TPR: variants seen among roughly 807,000 people sequenced by gnomAD.
TPR encodes the protein nucleoprotein TPR.
TPR carries 51 observed loss-of-function variants against 316.1 expected under a neutral mutation model. The observed-to-expected ratio is 0.16, with a 90% CI of 0.13 to 0.20. The LOEUF (loss-of-function observed/expected upper bound fraction) is 0.20. Among genes scored for constraint, TPR ranks in the 10% least tolerant of loss-of-function variants. TPR has a pLI of 1.00. For synonymous variants in TPR, 981 were observed against 914.7 expected (o/e 1.07, Z -1.31); for missense variants, 2,272 against 2,754.8 (o/e 0.82, Z 3.92).
Position 186,332,267 on chromosome 1 carries a change from G to T in TPR, c.5532C>A (p.Asp1844Glu), listed in dbSNP as rs1658188185. 6.2e-7 allele frequency: 1 copy of T among 1,612,648 alleles called. No homozygotes were observed. The highest frequency in any genetic ancestry group is 8.5e-7 in the Non-Finnish European group (1 of 1,179,264). The change falls in exon 38 of 51, where the codon GAC (aspartate) becomes GAA (glutamate). Residue 1844 changes from aspartate to glutamate, a missense_variant. By Grantham distance (45) the Asp-to-Glu change is conservative. Around this residue, in one of 10 missense-constraint regions of TPR, gnomAD observed 435 missense variants for 461.1 expected, o/e 0.94. Coordinates refer to ENST00000367478, the MANE Select transcript of TPR (RefSeq NM_003292.3). ...EEEDSTIEAS[D>E]QVSDDTVEMP... ...TTTCCACTGTATCATCAGAGACTTGGTCTGATGCTTCTATGGTGCTATCCT... is the reference window on the plus strand; with the variant it reads ...TTTCCACTGTATCATCAGAGACTTGTTCTGATGCTTCTATGGTGCTATCCT...
chr1:186,335,090 G>A lies in TPR; in HGVS notation c.4951C>T (p.Pro1651Ser). The change falls in exon 35 of 51, where the codon CCA (proline) becomes TCA (serine). Residue 1651 changes from proline (P) to serine (S), a missense_variant. Pro to Ser is a moderately conservative substitution (Grantham distance 74). Around this residue, in one of 10 missense-constraint regions of TPR, gnomAD observed 109 missense variants for 215.3 expected, o/e 0.51. Transcript: ENST00000367478. ...CACATTCCTCTTTCACCAGAAGCTG[G>A]AGTTGTTTTCAATGTGATCTGTCTC... is the stretch of plus-strand genomic sequence containing the variant. ...QQRQITLKTT[P>S]ASGERGIAST... 1.9e-6 allele frequency: 3 copies of A among 1,612,766 alleles called. No homozygotes were observed. The highest frequency in any genetic ancestry group is 2.5e-6 in the Non-Finnish European group (3 of 1,179,400).
In TPR at chr1:186,318,526, T is replaced by C; in HGVS notation, c.6742A>G (p.Thr2248Ala). 1 of 1,614,190 alleles carries C rather than the reference T, an allele frequency of 6.2e-7. No homozygotes were observed. Among genetic ancestry groups the C allele is most frequent in the Non-Finnish European group, 8.5e-7 (1 of 1,180,034 alleles). ...TCATTTGTTGTAGATAAAGTGCCAG[T>C]GGATGTAGTCACCATTGGAACAGAT... The part of the protein sequence containing the change: ...SQSVPMVTTS[T>A]GTLSTTNETA... The change falls in exon 48 of 51, where the codon ACT (threonine) becomes GCT (alanine). Residue 2248 changes from threonine (T) to alanine (A), a missense_variant. Physicochemically the swap from Thr to Ala is moderately conservative, Grantham distance 58. Transcript: ENST00000367478.
rs759483323 is a variant in TPR, at chr1:186,355,420, C to G, written c.2161G>C (p.Ala721Pro). The G allele has an allele frequency of 6.2e-7, 1 of 1,609,384 alleles. No individual in the cohort carries two copies. Among genetic ancestry groups the G allele is most frequent in the Non-Finnish European group, 8.5e-7 (1 of 1,179,126 alleles). ...CAAAAGAAAACTTACCGTTTAGAAGCAAAATCTAGCTGGGTAGAAATTTTG... is the reference window on the plus strand; with the variant it reads ...CAAAAGAAAACTTACCGTTTAGAAGGAAAATCTAGCTGGGTAGAAATTTTG... Reference protein sequence around the residue: ...NTKISTQLDFASKRYEMLQDN... With the variant: ...NTKISTQLDFPSKRYEMLQDN... Residue 721 changes from alanine to proline, a missense_variant, in exon 17 of 51, where the codon GCT becomes CCT. Ala to Pro is a conservative substitution (Grantham distance 27). Around this residue, in one of 10 missense-constraint regions of TPR, gnomAD observed 757 missense variants for 859.8 expected, o/e 0.88. Coordinates refer to ENST00000367478, the MANE Select transcript of TPR (RefSeq NM_003292.3).
At chr1:186,317,802 TCTCA>T (rs1334646663) in intron 48 of TPR, among the ~76,000 whole-genome samples, 1 of 152,206 alleles carries the variant, frequency 6.6e-6, no homozygotes, top group Non-Finnish European at 1.5e-5. Context: ...TCATTCCTTT[TCTCA>T]CTATGACATG....
chr1:186,313,700 T>G lies in TPR; in HGVS notation c.*271A>C. On this transcript the variant is annotated 3_prime_UTR_variant, in exon 51 of 51. Coordinates refer to ENST00000367478, the MANE Select transcript of TPR (RefSeq NM_003292.3). ...ATTTAGATCAATACTATAACATTGA[T>G]GTGCCTAGTAGAACAGCAAGAGCAA... 1 of 1,603,684 alleles carries G rather than the reference T, an allele frequency of 6.2e-7. No homozygotes were observed. Among genetic ancestry groups the G allele is most frequent in the Non-Finnish European group, 8.5e-7 (1 of 1,170,690 alleles).
chr1:186,322,495 T>C, intron 44 of TPR, 23 bp downstream of exon 44: 1 of 1,613,814 alleles, frequency 6.2e-7, no homozygotes, highest in Non-Finnish European at 8.5e-7. Flanking sequence ...TGAATTACTT[T>C]TACATAATGG....
At chr1:186,324,625 T>C (rs2178214) in intron 42 of TPR, among the ~76,000 whole-genome samples, 22,490 of 152,182 alleles carry the variant, frequency 0.15, 1,862 homozygotes, top group Admixed American at 0.24. Context: ...CAAGTCACTT[T>C]ACTTCTGCGA....
Position 186,361,668 on chromosome 1 carries a change from G to T in TPR, c.912C>A (p.Thr304=). The part of the protein sequence containing the change: ...DDSEAKSNEL[T]RAVEELHKLL... ...GTTTGTGTAGTTCCTCTACTGCCCG[G>T]GTTAGTTCATTGCTCTTTGCTTCTG... Residue 304 remains threonine (T), a synonymous_variant, in exon 9 of 51, where the codon ACC becomes ACA. Coordinates refer to ENST00000367478, the MANE Select transcript of TPR (RefSeq NM_003292.3). The T allele has an allele frequency of 6.2e-7, 1 of 1,613,404 alleles. No individual in the cohort carries two copies. Among genetic ancestry groups the T allele is most frequent in the Non-Finnish European group, 8.5e-7 (1 of 1,179,500 alleles).
At chr1:186,370,880 C>T (rs956288613) in intron 3 of TPR, 90 bp downstream of exon 3, 39 of 1,090,978 alleles carry the variant, frequency 3.6e-5, no homozygotes, top group Non-Finnish European at 4.9e-5. Context: ...TTACATCTTC[C>T]CATTGACTAA....
intron 40 of TPR, among the ~76,000 whole-genome samples, 161 bp downstream of exon 40, chr1:186,327,299 A>ATAAATATATG (rs1658025596): frequency 2.4e-5 from 1 of 41,162 alleles, no homozygotes; most frequent in Non-Finnish European, 4.7e-5. Flanking sequence ...ATAAATATAT[A>ATAAATATATG]ATATATAATA....
intron 31 of TPR, among the ~76,000 whole-genome samples, chr1:186,337,728 T>C (rs959920001): frequency 6.6e-6 from 1 of 152,014 alleles, no homozygotes; most frequent in African/African-American, 2.4e-5. Flanking sequence ...TTTAAAACTA[T>C]ACAAAACCAG....
rs1398354924 is a variant in TPR at position 186,318,479 on chromosome 1, T to A, written c.6789A>T (p.Gly2263=). ...TTNETATGDD[G]DEVFVEAESE... The stretch of plus-strand genomic sequence containing the variant: ...ATTCTGCCTCCACAAATACTTCATC[T>A]CCATCATCACCTGTTGCTGTTTCAT... Residue 2263 remains glycine (G), a synonymous_variant, in exon 48 of 51, where the codon GGA becomes GGT. Transcript: ENST00000367478. 1 of 1,612,550 alleles carries A rather than the reference T, an allele frequency of 6.2e-7. No individual in the cohort carries two copies. Among genetic ancestry groups the A allele is most frequent in the African/African-American group, 1.3e-5 (1 of 74,820 alleles).
intron 9 of TPR, 122 bp from the exon 10 acceptor site, chr1:186,361,027 G>A: frequency 2.0e-6 from 2 of 1,015,444 alleles, no homozygotes; most frequent in Non-Finnish European, 2.8e-6. Context: ...AGAGGCTTCA[G>A]CTGACAGTAT....
intron 42 of TPR, 125 bp from the exon 43 acceptor site, chr1:186,323,995 T>A (rs1329357632): frequency 4.1e-6 from 4 of 980,338 alleles, no homozygotes; most frequent in African/African-American, 1.7e-5. Flanking sequence ...AGAAGTAAAG[T>A]AGTGAGGTGT....
intron 4 of TPR, among the ~76,000 whole-genome samples, chr1:186,365,809 G>T (rs1018708617): frequency 6.6e-6 from 1 of 152,094 alleles, no homozygotes; most frequent in African/African-American, 2.4e-5. Context: ...TTGTGGATAT[G>T]GCAAAAAAAG....
At chr1:186,370,032 G>A (rs1012810398) in intron 3 of TPR, among the ~76,000 whole-genome samples, 10 of 151,916 alleles carry the variant, frequency 6.6e-5, no homozygotes, top group East Asian at 5.8e-4. Context: ...AAGAACCTCC[G>A]TATTGGGTTT....
chr1:186,314,689 C>G lies in TPR; in HGVS notation c.6976G>C (p.Val2326Leu). The G allele has an allele frequency of 1.2e-6, 2 of 1,612,854 alleles. No individual in the cohort carries two copies. Among genetic ancestry groups the G allele is most frequent in the South Asian group, 1.1e-5 (1 of 90,980 alleles). ...TGTCTCAATGTTGTCTGAAGTCTTA[C>G]TCGTCTGAAAGGCTTTGGTTGACTA... ...SSSQPKPFRR[V>L]RLQTTLRQGV... Residue 2326 changes from valine (V) to leucine (L), a missense_variant, in exon 50 of 51, where the codon GTA (valine) becomes CTA (leucine). Val to Leu is a conservative substitution (Grantham distance 32). This residue lies in a region of TPR where 123 missense variants were observed against 142.3 expected (regional missense o/e 0.86). Transcript: ENST00000367478.
At chr1:186,315,959 C>G (rs1212429231) in intron 49 of TPR, among the ~76,000 whole-genome samples, 2 of 150,334 alleles carry the variant, frequency 1.3e-5, no homozygotes, top group Admixed American at 1.3e-4. Context: ...GTGATGCTTC[C>G]TATGAAACTG....
At chr1:186,349,247 C>T (rs1489944194) in intron 21 of TPR, among the ~76,000 whole-genome samples, 2 of 152,178 alleles carry the variant, frequency 1.3e-5, no homozygotes, top group Non-Finnish European at 2.9e-5. Context: ...TGAACAAATA[C>T]TATACTGAAG....
Sources: allele counts gnomAD v4.1 joint callset (sites outside exome capture counted in the v4.1 genomes callset), GRCh38; gene constraint gnomAD v4.1.1; regional missense constraint gnomAD v4.1.1; transcripts MANE v1.5; gene names NCBI Gene and HGNC (gene_info 2026-07-23, HGNC 2026-07-21).